The following CDH11 variants were observed in gnomAD, a reference collection of about 807,000 sequenced individuals.
The protein encoded by CDH11 is cadherin 11, also known as cadherin-11.
In CDH11, 11 loss-of-function variants were observed where a neutral mutation model predicts 67.8. The observed-to-expected ratio is 0.16, with a 90% CI of 0.10 to 0.27. The LOEUF is 0.27. Ranked by LOEUF, CDH11 falls within the 10% of genes least tolerant of loss-of-function variation. CDH11 has a pLI of 1.00. For missense variants in CDH11, 847 were observed against 1,031.2 expected, an observed-to-expected ratio of 0.82 and a Z score of 2.45; for synonymous variants, 419 against 400.0, an observed-to-expected ratio of 1.05 and a Z score of -0.57.
In CDH11 at chr16:65,017,501, TC is replaced by T. The variant is rs531163358; in HGVS notation, c.-172-12461del. ...AACTGAATCTTGTAAAAAATGGAAA[TC>T]TGAAAGATTAACAAGTGCTCAATAT... On this transcript the variant is annotated intron_variant, in intron 2 of 12. Coordinates refer to ENST00000268603, the MANE Select transcript of CDH11 (RefSeq NM_001797.4). Among the ~76,000 whole-genome samples the T allele has an allele frequency of 2.0e-5, 3 of 152,216 alleles. No individual in the cohort carries two copies. The East Asian group carries it at 5.8e-4, about 29-fold the overall frequency.
chr16:65,059,788 T>A (rs781120505), intron 1 of CDH11: 1 of 152,218 alleles, frequency 6.6e-6, no homozygotes, highest in Non-Finnish European at 1.5e-5. Context: ...TTTACAAATG[T>A]CTTTCGTTGT....
At position 64,998,896 on chromosome 16, in the gene CDH11, A is replaced by G. The variant is rs373290699; in HGVS notation, c.229-40T>C. On this transcript the variant is annotated intron_variant, in intron 3 of 12. Coordinates refer to ENST00000268603, the MANE Select transcript of CDH11 (RefSeq NM_001797.4). ...AATTGAGATTTTTAATTCCATGAGG[A>G]AAGCAGTGGGGAAACTCACTTACAA... 163 of 1,568,984 alleles carry G rather than the reference A, an allele frequency of 1.0e-4. No homozygotes were observed. The African/African-American group carries it at 1.8e-3, about 18-fold the overall frequency.
chr16:64,997,272 C>A (rs1233070685), intron 4 of CDH11, among the ~76,000 whole-genome samples: 1 of 146,516 alleles, frequency 6.8e-6, no homozygotes, highest in African/African-American at 2.5e-5. Flanking sequence ...GGCACTCCAG[C>A]CTGAGTAACA....
chr16:64,962,596 A>T (rs910346620), intron 11 of CDH11, among the ~76,000 whole-genome samples: 54 of 152,152 alleles, frequency 3.5e-4, no homozygotes, highest in African/African-American at 1.3e-3. Context: ...ATGCACATAC[A>T]CACTTGTGTG....
chr16:64,992,216 A>G (rs1473597553), intron 5 of CDH11, among the ~76,000 whole-genome samples: 1 of 152,198 alleles, frequency 6.6e-6, no homozygotes, highest in Non-Finnish European at 1.5e-5. Flanking sequence ...AAAGACTGAA[A>G]TACTTGAGTG....
intron 2 of CDH11, among the ~76,000 whole-genome samples, chr16:65,042,404 G>A (rs1019330945): frequency 1.3e-5 from 2 of 152,178 alleles, no homozygotes; most frequent in Non-Finnish European, 2.9e-5. Context: ...TCAAAAGGGA[G>A]CATTTCAGCT....
intron 11 of CDH11, among the ~76,000 whole-genome samples, chr16:64,951,974 T>C (rs1216226337): frequency 1.3e-5 from 2 of 152,134 alleles, no homozygotes; most frequent in South Asian, 2.1e-4. Context: ...GAGGATCAGA[T>C]ATTATTTCCC....
intron 1 of CDH11, among the ~76,000 whole-genome samples, chr16:65,086,781 T>C (rs2074707142): frequency 6.6e-6 from 1 of 152,152 alleles, no homozygotes; most frequent in African/African-American, 2.4e-5. Context: ...CTACCTTTTA[T>C]AAAACTCTCA....
At chr16:64,997,021 G>A (rs905370046) in intron 4 of CDH11, among the ~76,000 whole-genome samples, 3 of 151,754 alleles carry the variant, frequency 2.0e-5, no homozygotes, top group Non-Finnish European at 2.9e-5. Context: ...CACATGGGCC[G>A]GGCACGGTGG....
intron 11 of CDH11, among the ~76,000 whole-genome samples, chr16:64,962,171 G>A (rs969057162): frequency 1.3e-5 from 2 of 152,084 alleles, no homozygotes; most frequent in African/African-American, 4.8e-5. Flanking sequence ...ATATCACTTT[G>A]CAATGCCCAA....
chr16:65,088,656 G>A (rs2074741970), intron 1 of CDH11, among the ~76,000 whole-genome samples: 1 of 152,212 alleles, frequency 6.6e-6, no homozygotes, highest in Admixed American at 6.5e-5. Context: ...ATAAAAATTT[G>A]TTGAGCATTT....
At position 64,944,932 on chromosome 16, in the gene CDH11, G is replaced by T; in HGVS notation, c.*2671C>A. Reference sequence around the variant, plus strand: ...TATAAGACAACAAGGTGGATACTTTGGTACAGGGCTGAATTATCAAAAGAT... The same window carrying T: ...TATAAGACAACAAGGTGGATACTTTTGTACAGGGCTGAATTATCAAAAGAT... On this transcript the variant is annotated 3_prime_UTR_variant, in exon 13 of 13. Coordinates refer to ENST00000268603, the MANE Select transcript of CDH11 (RefSeq NM_001797.4). 9.2e-6 allele frequency: 2 copies of T among 217,594 alleles called. No individual in the cohort carries two copies. Among genetic ancestry groups the T allele is most frequent in the Non-Finnish European group, 1.8e-5 (2 of 108,310 alleles). The allele number at this position is 217,594 out of a possible 1,614,324, so 13.5% of individuals were successfully genotyped here. A position where few individuals can be genotyped will look rare whatever the true frequency, so the allele number is the denominator to read the frequency against.
intron 8 of CDH11, among the ~76,000 whole-genome samples, chr16:64,976,240 A>C (rs2072162637): frequency 6.6e-6 from 1 of 152,166 alleles, no homozygotes; most frequent in African/African-American, 2.4e-5. Flanking sequence ...GGACACAGAG[A>C]GAAGGACCAA....
intron 1 of CDH11, chr16:65,094,950 T>C (rs2074862866): frequency 6.6e-6 from 1 of 152,182 alleles, no homozygotes; most frequent in Non-Finnish European, 1.5e-5. Context: ...TGTGGAGTTT[T>C]ATTGTAGCAG....
intron 1 of CDH11, among the ~76,000 whole-genome samples, chr16:65,092,444 G>C (rs1197065282): frequency 2.0e-5 from 3 of 152,112 alleles, no homozygotes; most frequent in African/African-American, 7.2e-5. Flanking sequence ...AAAGTGCTTT[G>C]GGCCAAACTG....
At chr16:64,950,093 C>T (rs1303994994) in intron 12 of CDH11, among the ~76,000 whole-genome samples, 1 of 152,116 alleles carries the variant, frequency 6.6e-6, no homozygotes, top group Non-Finnish European at 1.5e-5. Context: ...AAATGATCTT[C>T]CTGAGGCCCA....
intron 2 of CDH11, among the ~76,000 whole-genome samples, chr16:65,013,061 C>G (rs531719358): frequency 6.6e-6 from 1 of 152,192 alleles, no homozygotes; most frequent in Non-Finnish European, 1.5e-5. Flanking sequence ...TATAAATGGT[C>G]TCCCATGCAT....
intron 1 of CDH11, among the ~76,000 whole-genome samples, chr16:65,110,866 C>T (rs1259377066): frequency 2.0e-5 from 3 of 151,960 alleles, no homozygotes; most frequent in Non-Finnish European, 4.4e-5. Context: ...GCCACGCAGC[C>T]AAACAATTGA....
chr16:64,945,976 G>A lies in CDH11; in HGVS notation c.*1627C>T, dbSNP rs2071189165. ...AAGTATTGCTACGTTTTGACCTTTG[G>A]CCCAACTGAACAGGTGAAATGCCCT... On this transcript the variant is annotated 3_prime_UTR_variant, in exon 13 of 13. Coordinates refer to ENST00000268603, the MANE Select transcript of CDH11 (RefSeq NM_001797.4). The A allele has an allele frequency of 3.8e-6, 4 of 1,058,432 alleles. No homozygotes were observed. The highest frequency in any genetic ancestry group is 4.6e-6 in the Non-Finnish European group (4 of 875,096). The allele number at this position is 1,058,432 out of a possible 1,614,324, so 65.6% of individuals were successfully genotyped here.
Sources: gnomAD v4.1 joint callset for allele counts (sites outside exome capture counted in the v4.1 genomes callset) on GRCh38, gnomAD v4.1.1 for gene constraint, MANE v1.5 for transcripts, NCBI Gene and HGNC (gene_info 2026-07-23, HGNC 2026-07-21) for gene names.